The following CNTNAP2 variants were observed in gnomAD, a reference collection of about 807,000 sequenced individuals.
CNTNAP2 encodes contactin-associated protein-like 2.
CNTNAP2 carries 98 observed loss-of-function variants against 155.2 expected under a neutral mutation model. That is an observed-to-expected ratio of 0.63 (90% CI 0.54 to 0.75). The LOEUF (loss-of-function observed/expected upper bound fraction) is 0.75. CNTNAP2 is among the 30% of genes least tolerant of loss of function. The pLI, the probability that CNTNAP2 is intolerant of heterozygous loss-of-function variation, is 0.00. For missense variants in CNTNAP2, 1,727 were observed against 1,688.1 expected (o/e 1.02, Z -0.40); for synonymous variants, 651 against 631.2 (o/e 1.03, Z -0.47).
intron 13 of CNTNAP2, among the ~76,000 whole-genome samples, chr7:147,765,967 A>G (rs56386956): frequency 0.021 from 3,142 of 152,296 alleles, 60 homozygotes; most frequent in South Asian, 0.044. Flanking sequence ...AAAGAAGCAA[A>G]CTCAATGTAG....
chr7:147,750,984 G>A (rs902499001), intron 13 of CNTNAP2, among the ~76,000 whole-genome samples: 3 of 152,068 alleles, frequency 2.0e-5, no homozygotes, highest in Non-Finnish European at 2.9e-5. Context: ...AGCTTGCAGT[G>A]AGCCGAGATC....
intron 12 of CNTNAP2, among the ~76,000 whole-genome samples, chr7:147,612,363 A>C (rs1332297705): frequency 6.6e-6 from 1 of 151,404 alleles, no homozygotes; most frequent in Admixed American, 6.6e-5. Flanking sequence ...AAGAAATATA[A>C]TTTCAAATAT....
At chr7:146,836,114 A>G (rs1016189002) in intron 2 of CNTNAP2, among the ~76,000 whole-genome samples, 6 of 152,214 alleles carry the variant, frequency 3.9e-5, no homozygotes, top group Non-Finnish European at 8.8e-5. Flanking sequence ...AAGTAGTTAC[A>G]TCGTTTGCAC....
chr7:148,047,849 A>G (rs939339682), intron 15 of CNTNAP2, among the ~76,000 whole-genome samples: 15 of 152,340 alleles, frequency 9.8e-5, no homozygotes, highest in Middle Eastern at 3.4e-3. Context: ...CAAAAATAAA[A>G]GCCACAATTC....
chr7:146,453,988 C>T (rs921603451), intron 1 of CNTNAP2, among the ~76,000 whole-genome samples: 7 of 151,152 alleles, frequency 4.6e-5, no homozygotes, highest in Admixed American at 2.0e-4. Context: ...TTTCCAAATT[C>T]GATGAAAACT....
chr7:147,650,478 T>G (rs1202582289), intron 13 of CNTNAP2, among the ~76,000 whole-genome samples: 1 of 152,132 alleles, frequency 6.6e-6, no homozygotes, highest in African/African-American at 2.4e-5. Flanking sequence ...CTCCTCCTCC[T>G]CAGCCTACTC....
At chr7:146,318,636 A>T (rs746952788) in intron 1 of CNTNAP2, among the ~76,000 whole-genome samples, 10 of 152,150 alleles carry the variant, frequency 6.6e-5, no homozygotes, top group Non-Finnish European at 1.3e-4. Flanking sequence ...AGGTATATGT[A>T]AAAGAAACAG....
chr7:148,222,061 G>A (rs1795756164), intron 19 of CNTNAP2, among the ~76,000 whole-genome samples: 1 of 152,152 alleles, frequency 6.6e-6, no homozygotes, highest in South Asian at 2.1e-4. Context: ...CGGTGTGAGG[G>A]GAGCCTTGCT....
chr7:147,324,511 G>C (rs1584873559), intron 9 of CNTNAP2, among the ~76,000 whole-genome samples: 1 of 151,520 alleles, frequency 6.6e-6, no homozygotes, highest in East Asian at 2.0e-4. Context: ...TTATAGAAAG[G>C]TGTGTTCTTT....
intron 2 of CNTNAP2, among the ~76,000 whole-genome samples, chr7:146,781,227 C>CAAAAAAAAAAAA (rs375760321): frequency 1.1e-5 from 1 of 87,496 alleles, no homozygotes. Context: ...GACTCCATCT[C>CAAAAAAAAAAAA]AAAAAAAAAA....
intron 4 of CNTNAP2, among the ~76,000 whole-genome samples, chr7:147,050,155 T>C (rs573827847): frequency 3.2e-4 from 49 of 152,350 alleles, no homozygotes; most frequent in African/African-American, 1.2e-3. Context: ...CCCATGCCTT[T>C]TGATTCAGTG....
chr7:146,851,534 G>A (rs1173210607), intron 3 of CNTNAP2, among the ~76,000 whole-genome samples: 2 of 152,054 alleles, frequency 1.3e-5, no homozygotes, highest in East Asian at 3.9e-4. Context: ...AATATTGAGG[G>A]GTTGGCAGGG....
chr7:147,172,495 C>A (rs1388653815), intron 8 of CNTNAP2, among the ~76,000 whole-genome samples: 1 of 151,916 alleles, frequency 6.6e-6, no homozygotes, highest in Admixed American at 6.6e-5. Context: ...ACTCACTTAC[C>A]TTTTAATTTT....
At chr7:148,060,949 A>G (rs1803116892) in intron 15 of CNTNAP2, among the ~76,000 whole-genome samples, 1 of 152,226 alleles carries the variant, frequency 6.6e-6, no homozygotes. Context: ...GAAAGACAAG[A>G]CCACAGAATG....
Position 147,983,070 on chromosome 7 carries a change from G to A in CNTNAP2, c.2383+5081G>A, listed in dbSNP as rs541698485. On this transcript the variant is annotated intron_variant, in intron 15 of 23. Transcript: ENST00000361727. ...AGACAAGGCAATAAGGCAATGCCTC[G>A]GTCTCCACGTTGTTTCTGTACCAAT... 8.8e-5 allele frequency among the ~76,000 whole-genome samples: 13 copies of A among 148,016 alleles called. No individual in the cohort carries two copies. In the South Asian group the frequency reaches 1.1e-3, roughly 12 times the overall value.
At chr7:148,238,037 A>G (rs762427766) in intron 20 of CNTNAP2, among the ~76,000 whole-genome samples, 1 of 152,168 alleles carries the variant, frequency 6.6e-6, no homozygotes, top group Non-Finnish European at 1.5e-5. Context: ...GTCCCATTAT[A>G]TACATGAGAA....
chr7:146,439,640 A>G (rs1217179512), intron 1 of CNTNAP2, among the ~76,000 whole-genome samples: 1 of 151,544 alleles, frequency 6.6e-6, no homozygotes, highest in African/African-American at 2.4e-5. Context: ...TTTAATTTCT[A>G]CAACTTTCCA....
chr7:146,914,242 G>A (rs998360171), intron 3 of CNTNAP2, among the ~76,000 whole-genome samples: 2 of 151,962 alleles, frequency 1.3e-5, no homozygotes, highest in Non-Finnish European at 2.9e-5. Flanking sequence ...ATTGTGAATG[G>A]TGATGCTATA....
At chr7:146,472,372 G>A (rs1263413720) in intron 1 of CNTNAP2, among the ~76,000 whole-genome samples, 2 of 152,250 alleles carry the variant, frequency 1.3e-5, no homozygotes, top group East Asian at 1.9e-4. Flanking sequence ...CTTTTCTGCT[G>A]TAGAAAATGG....
Sources: allele counts gnomAD v4.1 joint callset (sites outside exome capture counted in the v4.1 genomes callset), GRCh38; gene constraint gnomAD v4.1.1; transcripts MANE v1.5; gene names NCBI Gene and HGNC (gene_info 2026-07-23, HGNC 2026-07-21).